The following ZNF407 variants were observed in gnomAD, a reference collection of about 807,000 sequenced individuals.
ZNF407 encodes zinc finger protein 407.
A neutral mutation model predicts 131.2 loss-of-function variants in ZNF407; 17 were observed. The ratio of observed to expected loss-of-function variants is 0.13; its 90% CI spans 0.09 to 0.19. ZNF407 has a LOEUF of 0.19. Among genes scored for constraint, ZNF407 ranks in the 10% least tolerant of loss-of-function variants. The pLI, the probability that ZNF407 is intolerant of heterozygous loss-of-function variation, is 1.00. For missense variants in ZNF407, 2,681 were observed against 2,830.6 expected (o/e 0.95, Z 1.20); for synonymous variants, 1,156 against 1,062.0 (o/e 1.09, Z -1.72).
At chr18:74,891,617 T>A (rs1357880563) in intron 7 of ZNF407, among the ~76,000 whole-genome samples, 1 of 152,222 alleles carries the variant, frequency 6.6e-6, no homozygotes, top group Admixed American at 6.5e-5. Flanking sequence ...GATTGGTGTT[T>A]CTTGGAAATT....
At chr18:74,917,391 C>T (rs1451051374) in intron 7 of ZNF407, among the ~76,000 whole-genome samples, 2 of 152,116 alleles carry the variant, frequency 1.3e-5, no homozygotes, top group Non-Finnish European at 2.9e-5. Context: ...TGTATACAAA[C>T]ATATGCACAT....
At chr18:74,642,021 G>GT (rs1599035290) in intron 3 of ZNF407, among the ~76,000 whole-genome samples, 2 of 3,652 alleles carry the variant, frequency 5.5e-4, no homozygotes, top group African/African-American at 1.2e-3. Flanking sequence ...TATTATATTA[G>GT]GTTTTTTTTT....
At chr18:74,922,741 A>G (rs1432641450) in intron 8 of ZNF407, among the ~76,000 whole-genome samples, 2 of 152,196 alleles carry the variant, frequency 1.3e-5, no homozygotes, top group Non-Finnish European at 2.9e-5. Flanking sequence ...GTCTCTATGT[A>G]AAGACAGGCG....
chr18:74,695,699 A>T (rs527731006), intron 3 of ZNF407, among the ~76,000 whole-genome samples: 3 of 152,176 alleles, frequency 2.0e-5, no homozygotes, highest in Non-Finnish European at 4.4e-5. Flanking sequence ...AGATGTATTC[A>T]TCAGGTCTTC....
intron 3 of ZNF407, among the ~76,000 whole-genome samples, chr18:74,652,164 A>C (rs1398852570): frequency 6.6e-6 from 1 of 152,120 alleles, no homozygotes; most frequent in East Asian, 1.9e-4. Flanking sequence ...ATTCAGAGCT[A>C]TAATGTAGGA....
At chr18:74,751,988 A>G (rs937391819) in intron 3 of ZNF407, among the ~76,000 whole-genome samples, 7 of 152,184 alleles carry the variant, frequency 4.6e-5, no homozygotes, top group Non-Finnish European at 8.8e-5. Flanking sequence ...AGTCCCACCA[A>G]CAGTGTAAAA....
chr18:74,768,315 T>A (rs1969287665), intron 3 of ZNF407, among the ~76,000 whole-genome samples: 1 of 152,188 alleles, frequency 6.6e-6, no homozygotes, highest in South Asian at 2.1e-4. Flanking sequence ...TAGACAAGAT[T>A]GGAAACAGGT....
At position 75,030,304 on chromosome 18, in the gene ZNF407, CATTAT is replaced by C. The variant is rs1973224995; in HGVS notation, c.5429-32845_5429-32841del. Among the ~76,000 whole-genome samples, 3 of 152,114 alleles carry C rather than the reference CATTAT, an allele frequency of 2.0e-5. No homozygotes were observed. The East Asian group carries it at 5.8e-4, about 29-fold the overall frequency. On this transcript the variant is annotated intron_variant, in intron 8 of 8. Transcript: ENST00000299687. ...CTTCTATCAGTTGAAAGGTATTATA[CATTAT>C]TATTATACATTATTATCTAAAGGAT...
rs534056337 is a variant in ZNF407 at position 75,047,829 on chromosome 18, A to T, written c.5429-15321A>T. Among the ~76,000 whole-genome samples, 4 of 152,260 alleles carry T rather than the reference A, an allele frequency of 2.6e-5. No homozygotes were observed. In the South Asian group the frequency reaches 8.3e-4, roughly 31 times the overall value. ...GTTTCTTTCAGCCAGCAAATGAGGA[A>T]TTAATTCGGTACTGTCATTCTGATT... On this transcript the variant is annotated intron_variant, in intron 8 of 8. Coordinates refer to ENST00000299687, the MANE Select transcript of ZNF407 (RefSeq NM_017757.3).
intron 3 of ZNF407, among the ~76,000 whole-genome samples, chr18:74,687,273 A>T (rs745808571): frequency 5.3e-5 from 8 of 152,170 alleles, no homozygotes; most frequent in Non-Finnish European, 8.8e-5. Context: ...ACTTGAACCT[A>T]GTATTTCGAG....
chr18:74,891,942 C>T (rs1030915098), intron 7 of ZNF407, among the ~76,000 whole-genome samples: 2 of 151,894 alleles, frequency 1.3e-5, no homozygotes, highest in African/African-American at 4.8e-5. Context: ...TTCTAAATAC[C>T]TTTCCATGTC....
At chr18:74,916,813 T>C (rs1256928437) in intron 7 of ZNF407, among the ~76,000 whole-genome samples, 1 of 151,652 alleles carries the variant, frequency 6.6e-6, no homozygotes, top group East Asian at 1.9e-4. Context: ...TGCATGTGTG[T>C]GCTGGTATGG....
At chr18:74,798,848 G>C (rs765640533) in intron 4 of ZNF407, among the ~76,000 whole-genome samples, 7 of 151,874 alleles carry the variant, frequency 4.6e-5, no homozygotes, top group Non-Finnish European at 8.8e-5. Context: ...TTTTCTCTTT[G>C]AACTCCCAGA....
At position 74,620,382 on chromosome 18, in the gene ZNF407, A is replaced by G. The variant is rs1269495968; in HGVS notation, c.-53-10585A>G. On this transcript the variant is annotated intron_variant, in intron 1 of 8. Coordinates refer to ENST00000299687, the MANE Select transcript of ZNF407 (RefSeq NM_017757.3). ...CTGGGTGGAAGTCTTTGATAATGAAAGGAATGCTGGTCTCCCGTTCTGTTT... is the reference window on the plus strand; with the variant it reads ...CTGGGTGGAAGTCTTTGATAATGAAGGGAATGCTGGTCTCCCGTTCTGTTT... 2.0e-5 allele frequency among the ~76,000 whole-genome samples: 3 copies of G among 152,340 alleles called. No individual in the cohort carries two copies. In the East Asian group the frequency reaches 5.8e-4, roughly 29 times the overall value.
At position 74,636,650 on chromosome 18, in the gene ZNF407, G is replaced by C. The variant is rs147208343; in HGVS notation, c.4687+944G>C. Among the ~76,000 whole-genome samples the C allele has an allele frequency of 1.3e-3, 201 of 152,276 alleles. 3 individuals are homozygous for C. Among genetic ancestry groups the C allele is most frequent in the Admixed American group, 8.5e-3 (130 of 15,300 alleles). On this transcript the variant is annotated intron_variant, in intron 2 of 8. Coordinates refer to ENST00000299687, the MANE Select transcript of ZNF407 (RefSeq NM_017757.3). ...TACAGTTTTTGAAACTTAGTGCATG[G>C]TTACGAGGAAGAAGACAGAAGAGTG...
intron 4 of ZNF407, among the ~76,000 whole-genome samples, chr18:74,794,936 T>A (rs1969892031): frequency 1.3e-5 from 2 of 152,134 alleles, no homozygotes; most frequent in Non-Finnish European, 2.9e-5. Context: ...TGAAAGAGAA[T>A]GTATAAAAAA....
At chr18:75,025,733 C>G (rs1471640709) in intron 8 of ZNF407, among the ~76,000 whole-genome samples, 1 of 152,340 alleles carries the variant, frequency 6.6e-6, no homozygotes, top group South Asian at 2.1e-4. Flanking sequence ...ACTTGTGGCA[C>G]TTACTCAGAA....
At chr18:74,630,464 C>T (rs770849421) in intron 1 of ZNF407, among the ~76,000 whole-genome samples, 3 of 152,140 alleles carry the variant, frequency 2.0e-5, no homozygotes, top group Non-Finnish European at 4.4e-5. Flanking sequence ...AGCCACCACG[C>T]CTGGCCGAAA....
chr18:74,638,988 T>A (rs527659871), intron 2 of ZNF407, among the ~76,000 whole-genome samples: 1 of 152,258 alleles, frequency 6.6e-6, no homozygotes, highest in South Asian at 2.1e-4. Flanking sequence ...AAAGGAGATG[T>A]TAACACAGTC....
Sources: allele counts gnomAD v4.1 joint callset (sites outside exome capture counted in the v4.1 genomes callset), GRCh38; gene constraint gnomAD v4.1.1; transcripts MANE v1.5; gene names NCBI Gene and HGNC (gene_info 2026-07-23, HGNC 2026-07-21).